Variants in POLN observed in about 807,000 individuals in gnomAD.
The protein encoded by POLN is DNA polymerase nu.
Under a neutral mutation model 113.5 loss-of-function variants are expected in POLN, and 108 were observed. That is an observed-to-expected ratio of 0.95 (90% CI 0.81 to 1.12). POLN has a LOEUF of 1.12. Ranked by LOEUF, POLN falls within the 50% of genes most tolerant of loss-of-function variation. The probability of loss-of-function intolerance (pLI) is 0.00; values close to 1 mark genes in which losing one functional copy is unlikely to be tolerated. For synonymous variants in POLN, 386 were observed against 391.5 expected, an observed-to-expected ratio of 0.99 and a Z score of 0.17; for missense variants, 1,097 against 1,077.1, an observed-to-expected ratio of 1.02 and a Z score of -0.26.
chr4:2,086,866 G>A (rs1175529437), intron 20 of POLN, among the ~76,000 whole-genome samples: 1 of 152,184 alleles, frequency 6.6e-6, no homozygotes, highest in African/African-American at 2.4e-5. Flanking sequence ...GGACAGGATG[G>A]TGCAGAAGCA....
At chr4:2,090,910 T>C (rs1272373031) in intron 20 of POLN, among the ~76,000 whole-genome samples, 1 of 152,244 alleles carries the variant, frequency 6.6e-6, no homozygotes, top group Non-Finnish European at 1.5e-5. Context: ...CTCTTCTTTC[T>C]AGAATTTCTC....
chr4:2,213,671 C>A (rs949952238), intron 3 of POLN, among the ~76,000 whole-genome samples: 1 of 151,948 alleles, frequency 6.6e-6, no homozygotes, highest in African/African-American at 2.4e-5. Flanking sequence ...CAATAACAAC[C>A]TGAAATGCAA....
intron 23 of POLN, chr4:2,080,335 A>G: frequency 1.0e-6 from 1 of 1,002,796 alleles, no homozygotes; most frequent in Non-Finnish European, 1.2e-6. Flanking sequence ...GAGGCCTGAG[A>G]GAGCTGTGGC....
intron 2 of POLN, chr4:2,231,915 T>C: frequency 9.3e-7 from 1 of 1,069,998 alleles, no homozygotes; most frequent in Non-Finnish European, 1.4e-6. Context: ...AAGATTCAGT[T>C]TTCAGTAATT....
rs558399697 is a variant in POLN at position 2,193,078 on chromosome 4, A to T, written c.1021+126T>A. 59 of 673,250 alleles carry T rather than the reference A, an allele frequency of 8.8e-5. No homozygotes were observed. In the South Asian group the frequency reaches 1.1e-3, roughly 13 times the overall value. 41.7% of individuals were successfully genotyped at this position (673,250 alleles called of 1,614,324 possible). ...CCATGCCTAGGGCCCATCAGGAGGC[A>T]TATCAGTCTGTGTGGCCAGGTCCTC... is the stretch of plus-strand genomic sequence containing the variant. On this transcript the variant is annotated intron_variant, in intron 7 of 25. Transcript: ENST00000511885.
At chr4:2,180,467 G>C (rs1319712560) in intron 7 of POLN, among the ~76,000 whole-genome samples, 1 of 152,020 alleles carries the variant, frequency 6.6e-6, no homozygotes, top group Admixed American at 6.6e-5. Flanking sequence ...ATATGTTCAG[G>C]CATCTTTAAA....
intron 19 of POLN, among the ~76,000 whole-genome samples, chr4:2,125,817 T>G (rs1731564204): frequency 6.6e-6 from 1 of 152,092 alleles, no homozygotes; most frequent in Admixed American, 6.6e-5. Context: ...CAGGCAAGAC[T>G]GGCTAAGTGA....
intron 19 of POLN, among the ~76,000 whole-genome samples, chr4:2,124,179 G>C (rs1731518890): frequency 6.6e-6 from 1 of 152,192 alleles, no homozygotes; most frequent in Non-Finnish European, 1.5e-5. Context: ...GTGGTTTCCA[G>C]GGCCGGGAGG....
At chr4:2,158,578 G>T (rs1252214255) in intron 14 of POLN, among the ~76,000 whole-genome samples, 1 of 152,186 alleles carries the variant, frequency 6.6e-6, no homozygotes, top group African/African-American at 2.4e-5. Flanking sequence ...CAGCTGCCAG[G>T]CCCTCAGGAT....
intron 16 of POLN, among the ~76,000 whole-genome samples, chr4:2,154,003 C>A (rs1207164697): frequency 1.3e-5 from 2 of 151,360 alleles, no homozygotes; most frequent in Non-Finnish European, 3.0e-5. Flanking sequence ...TGAGACCATC[C>A]TGGCTAACAT....
At chr4:2,214,580 T>C (rs1258650809) in intron 3 of POLN, among the ~76,000 whole-genome samples, 1 of 151,868 alleles carries the variant, frequency 6.6e-6, no homozygotes. Context: ...AGGAAACAAA[T>C]ACAATACTCA....
In POLN at chr4:2,208,017, A is replaced by G. The variant is rs529791485; in HGVS notation, c.684T>C (p.Thr228=). Residue 228 remains threonine, a synonymous_variant, in exon 5 of 26, where the codon ACT becomes ACC. Transcript: ENST00000511885. ...AAALVITVMY[T]DGSTQLGADQ... is the part of the protein sequence containing the mutation. Reference sequence around the variant, plus strand: ...CAGCTCCTAGCTGGGTGGAACCATCAGTATACATCACAGTTATCACCAGGG... The same window carrying G: ...CAGCTCCTAGCTGGGTGGAACCATCGGTATACATCACAGTTATCACCAGGG... The G allele has an allele frequency of 6.2e-7, 1 of 1,612,486 alleles. No homozygotes were observed. The highest frequency in any genetic ancestry group is 1.7e-5 in the Admixed American group (1 of 59,606).
chr4:2,129,225 CG>C lies in POLN; in HGVS notation c.1820del (p.Pro607ArgfsTer14). ...CTTTGGATGAAACAAACATGGCCCT[CG>C]GGGAGATCGTGAGAATCTTGTCTTC... ...GKEDKILTIS[P>X]RAMFVSSKGH... On this transcript the variant is annotated frameshift_variant, in exon 18 of 26. Coordinates refer to ENST00000511885, the MANE Select transcript of POLN (RefSeq NM_181808.4). LOFTEE classifies it high-confidence loss of function. 1 of 1,599,790 alleles carries C rather than the reference CG, an allele frequency of 6.3e-7. No homozygotes were observed.
intron 19 of POLN, among the ~76,000 whole-genome samples, chr4:2,121,993 A>T (rs1200759861): frequency 6.6e-6 from 1 of 152,086 alleles, no homozygotes; most frequent in Non-Finnish European, 1.5e-5. Context: ...CTTTACCCAT[A>T]TCCTTTTCCC....
intron 14 of POLN, 98 bp downstream of exon 14, chr4:2,159,057 G>A: frequency 1.1e-6 from 1 of 905,796 alleles, no homozygotes; most frequent in Non-Finnish European, 1.8e-6. Flanking sequence ...ACACTGGGAG[G>A]GCTACTTCAG....
chr4:2,147,875 T>G (rs1257160484), intron 16 of POLN, among the ~76,000 whole-genome samples: 2 of 152,090 alleles, frequency 1.3e-5, no homozygotes, highest in Non-Finnish European at 2.9e-5. Context: ...TCTCCTGACC[T>G]CAGGTGATCT....
chr4:2,169,447 AG>A (rs1356546709), intron 13 of POLN, among the ~76,000 whole-genome samples: 1 of 152,108 alleles, frequency 6.6e-6, no homozygotes, highest in East Asian at 1.9e-4. Context: ...TCACTGTGAG[AG>A]GAGGCGGAAG....
intron 2 of POLN, among the ~76,000 whole-genome samples, chr4:2,235,042 C>T (rs1039688960): frequency 2.0e-5 from 3 of 152,144 alleles, no homozygotes; most frequent in Admixed American, 6.5e-5. Flanking sequence ...CCCGCCACCA[C>T]GCCCGGCTAA....
chr4:2,165,783 CTT>C (rs567412240), intron 13 of POLN, among the ~76,000 whole-genome samples: 1 of 146,916 alleles, frequency 6.8e-6, no homozygotes, highest in Non-Finnish European at 1.5e-5. Context: ...AAAAAATAGT[CTT>C]TTTTTTTTTG....
Sources: gnomAD v4.1 joint callset for allele counts (sites outside exome capture counted in the v4.1 genomes callset) on GRCh38, gnomAD v4.1.1 for gene constraint, MANE v1.5 for transcripts, NCBI Gene and HGNC (gene_info 2026-07-23, HGNC 2026-07-21) for gene names.